GRID2: variants seen among roughly 807,000 people sequenced by gnomAD.
GRID2 encodes glutamate ionotropic receptor delta type subunit 2.
Under a neutral mutation model 114.8 loss-of-function variants are expected in GRID2, and 33 were observed. The observed-to-expected ratio is 0.29, with a 90% CI of 0.22 to 0.38. The LOEUF is 0.38. GRID2 is among the 10% of genes least tolerant of loss of function. The pLI, the probability that GRID2 is intolerant of heterozygous loss-of-function variation, is 1.00. For synonymous variants in GRID2, 505 were observed against 449.9 expected, an observed-to-expected ratio of 1.12 and a Z score of -1.55; for missense variants, 1,184 against 1,257.7, an observed-to-expected ratio of 0.94 and a Z score of 0.89.
intron 2 of GRID2, among the ~76,000 whole-genome samples, chr4:93,023,083 C>CAG (rs1723536770): frequency 6.7e-6 from 1 of 148,806 alleles, no homozygotes; most frequent in African/African-American, 2.5e-5. Context: ...TGGGTGGCCA[C>CAG]AGAGAACATT....
rs1369051511 is a variant in GRID2, at chr4:93,515,265, C to G, written c.2047C>G (p.Leu683Val). 6.2e-7 allele frequency: 1 copy of G among 1,610,154 alleles called. No homozygotes were observed. The highest frequency in any genetic ancestry group is 1.1e-5 in the South Asian group (1 of 91,008). The change falls in exon 13 of 16, where the codon CTA becomes GTA. Residue 683 changes from leucine (L) to valine (V), a missense_variant. Leu to Val is a conservative substitution (Grantham distance 32). This residue lies in a region of GRID2 where 717 missense variants were observed against 796.9 expected (regional missense o/e 0.90). Transcript: ENST00000282020. ...KQTEIPYGTVLDSAVYEHVRM... is the reference protein window; with the variant it reads ...KQTEIPYGTVVDSAVYEHVRM... ...AACAGAAATCCCTTATGGCACAGTC[C>G]TAGACTCTGCGGTATATGAGCATGT...
chr4:93,251,572 C>G (rs1425148994), intron 8 of GRID2, among the ~76,000 whole-genome samples: 1 of 152,094 alleles, frequency 6.6e-6, no homozygotes, highest in Non-Finnish European at 1.5e-5. Flanking sequence ...GTAAACATGT[C>G]ATGAGGGTTT....
intron 8 of GRID2, among the ~76,000 whole-genome samples, chr4:93,291,730 A>T (rs1205345771): frequency 6.6e-6 from 1 of 152,220 alleles, no homozygotes; most frequent in African/African-American, 2.4e-5. Flanking sequence ...CCCTGCCTCA[A>T]GATGGCCTTT....
intron 14 of GRID2, among the ~76,000 whole-genome samples, chr4:93,745,003 G>T (rs1014039946): frequency 2.6e-5 from 4 of 152,102 alleles, no homozygotes; most frequent in Admixed American, 2.6e-4. Flanking sequence ...TTTAATTAAG[G>T]TATGTACTTT....
At chr4:92,816,385 G>A (rs1661753133) in intron 2 of GRID2, among the ~76,000 whole-genome samples, 2 of 147,508 alleles carry the variant, frequency 1.4e-5, no homozygotes, top group South Asian at 4.3e-4. Flanking sequence ...TATGCCGAAT[G>A]TACTTTAACC....
chr4:93,661,555 T>A (rs1460276014), intron 14 of GRID2, among the ~76,000 whole-genome samples: 5 of 152,126 alleles, frequency 3.3e-5, no homozygotes, highest in Non-Finnish European at 7.3e-5. Context: ...TGTTTGTGCA[T>A]CCACAATATA....
chr4:93,413,341 T>A (rs973171592), intron 9 of GRID2, among the ~76,000 whole-genome samples: 3 of 152,230 alleles, frequency 2.0e-5, no homozygotes, highest in African/African-American at 7.2e-5. Flanking sequence ...ATTGCTCTAA[T>A]GATCAGTGAA....
chr4:93,008,148 T>G (rs1455912674), intron 2 of GRID2, among the ~76,000 whole-genome samples: 1 of 152,054 alleles, frequency 6.6e-6, no homozygotes, highest in African/African-American at 2.4e-5. Flanking sequence ...GACTAAGAGC[T>G]TTGTAAAATC....
At chr4:93,026,051 A>T (rs1315692432) in intron 2 of GRID2, among the ~76,000 whole-genome samples, 1 of 151,776 alleles carries the variant, frequency 6.6e-6, no homozygotes, top group Non-Finnish European at 1.5e-5. Flanking sequence ...TCATTTAAAG[A>T]TGTATTATAA....
rs541827670 is a variant in GRID2 at position 93,592,502 on chromosome 4, G to A, written c.2194-33767G>A. Among the ~76,000 whole-genome samples the A allele has an allele frequency of 5.3e-3, 804 of 152,242 alleles. 7 individuals are homozygous for A. The highest frequency in any genetic ancestry group is 0.018 in the African/African-American group (730 of 41,550). ...GTATGTGGTCAATTTTGGAATAGGT[G>A]TGGTGTGGTGCTGAAAAAAATGTAT... On this transcript the variant is annotated intron_variant, in intron 13 of 15. Coordinates refer to ENST00000282020, the MANE Select transcript of GRID2 (RefSeq NM_001510.4).
chr4:93,182,894 G>C (rs1189691031), intron 4 of GRID2, among the ~76,000 whole-genome samples: 1 of 152,128 alleles, frequency 6.6e-6, no homozygotes, highest in Non-Finnish European at 1.5e-5. Flanking sequence ...GCAAATTCTT[G>C]GGCACCAGCC....
chr4:93,761,460 T>TC (rs1733200539), intron 14 of GRID2, among the ~76,000 whole-genome samples: 1 of 152,200 alleles, frequency 6.6e-6, no homozygotes, highest in African/African-American at 2.4e-5. Context: ...TTACTTACTT[T>TC]CTACGGCTGC....
chr4:93,261,108 C>T (rs1283272373), intron 8 of GRID2, among the ~76,000 whole-genome samples: 1 of 151,642 alleles, frequency 6.6e-6, no homozygotes, highest in African/African-American at 2.4e-5. Flanking sequence ...AAACATAGAT[C>T]TTTCTCCAAC....
intron 8 of GRID2, among the ~76,000 whole-genome samples, chr4:93,309,622 T>C (rs533039544): frequency 3.9e-5 from 6 of 152,188 alleles, no homozygotes; most frequent in South Asian, 2.1e-4. Flanking sequence ...AAGAGAATCC[T>C]GAGGTTTTAT....
At chr4:93,301,433 A>G (rs1754857652) in intron 8 of GRID2, among the ~76,000 whole-genome samples, 1 of 152,204 alleles carries the variant, frequency 6.6e-6, no homozygotes, top group Non-Finnish European at 1.5e-5. Flanking sequence ...ATTCGTTAAA[A>G]GTTAACATGA....
intron 13 of GRID2, among the ~76,000 whole-genome samples, chr4:93,553,670 T>C (rs908566385): frequency 6.6e-6 from 1 of 152,204 alleles, no homozygotes; most frequent in Admixed American, 6.5e-5. Flanking sequence ...TACTTTTAAC[T>C]TTTAAAAGTT....
At chr4:93,459,587 T>C (rs1434002920) in intron 11 of GRID2, among the ~76,000 whole-genome samples, 2 of 152,220 alleles carry the variant, frequency 1.3e-5, no homozygotes, top group Admixed American at 6.5e-5. Flanking sequence ...CATACCTAGA[T>C]ATAATTAACC....
chr4:93,693,489 G>A (rs1726746488), intron 14 of GRID2, among the ~76,000 whole-genome samples: 1 of 152,188 alleles, frequency 6.6e-6, no homozygotes. Context: ...TCTATTTAAA[G>A]TGTGTTTGAC....
At chr4:93,791,020 T>C (rs1734683816) in intron 1 of GRID2, among the ~76,000 whole-genome samples, 1 of 152,218 alleles carries the variant, frequency 6.6e-6, no homozygotes, top group Non-Finnish European at 1.5e-5. Context: ...AATTTCTGTT[T>C]AATATAATGC....
Sources: gnomAD v4.1 joint callset for allele counts (sites outside exome capture counted in the v4.1 genomes callset) on GRCh38, gnomAD v4.1.1 for gene constraint, gnomAD v4.1.1 regional missense constraint, MANE v1.5 for transcripts, NCBI Gene and HGNC (gene_info 2026-07-23, HGNC 2026-07-21) for gene names.